The following KCTD8 variants were observed in gnomAD, a reference collection of about 807,000 sequenced individuals.
The protein encoded by KCTD8 is potassium channel tetramerization domain containing 8.
Under a neutral mutation model 31.5 loss-of-function variants are expected in KCTD8, and 27 were observed. The ratio of observed to expected loss-of-function variants is 0.86; its 90% CI spans 0.63 to 1.18. KCTD8 has a LOEUF of 1.18. Ranked by LOEUF, KCTD8 falls within the 50% of genes most tolerant of loss-of-function variation. KCTD8 has a pLI of 0.00. For synonymous variants in KCTD8, 290 were observed against 280.0 expected (o/e 1.04, Z -0.36); for missense variants, 658 against 647.7 (o/e 1.02, Z -0.17).
intron 1 of KCTD8, among the ~76,000 whole-genome samples, chr4:44,196,920 T>G (rs2109337444): frequency 6.6e-6 from 1 of 152,254 alleles, no homozygotes; most frequent in South Asian, 2.1e-4. Context: ...ACAGTTGGGA[T>G]GCTGGGGAGC....
chr4:44,300,108 A>G (rs899150140), intron 1 of KCTD8, among the ~76,000 whole-genome samples: 2 of 152,106 alleles, frequency 1.3e-5, no homozygotes, highest in African/African-American at 4.8e-5. Context: ...TGTAATGGAA[A>G]TTCAGAGTTG....
Position 44,174,763 on chromosome 4 carries a change from C to A in KCTD8, c.*27G>T. The A allele has an allele frequency of 2.0e-6, 3 of 1,534,120 alleles. No individual in the cohort carries two copies. The highest frequency in any genetic ancestry group is 2.5e-5 in the South Asian group (2 of 79,874). On this transcript the variant is annotated 3_prime_UTR_variant, in exon 2 of 2. Transcript: ENST00000360029. ...CACTGTAGTAAACATTGAATGTCATCAAAATACTGCAGGAATGTGACAATT... is the reference window on the plus strand; with the variant it reads ...CACTGTAGTAAACATTGAATGTCATAAAAATACTGCAGGAATGTGACAATT...
At chr4:44,222,188 A>T (rs1326091390) in intron 1 of KCTD8, among the ~76,000 whole-genome samples, 2 of 152,176 alleles carry the variant, frequency 1.3e-5, no homozygotes, top group African/African-American at 4.8e-5. Flanking sequence ...TTTATTATAG[A>T]GGTTAGTCAT....
chr4:44,426,260 A>G (rs1560451903), intron 1 of KCTD8, among the ~76,000 whole-genome samples: 1 of 151,840 alleles, frequency 6.6e-6, no homozygotes. Flanking sequence ...CCAGTGAAAC[A>G]GAGGAAGAAA....
At chr4:44,246,191 C>T (rs909666520) in intron 1 of KCTD8, among the ~76,000 whole-genome samples, 1 of 152,008 alleles carries the variant, frequency 6.6e-6, no homozygotes, top group African/African-American at 2.4e-5. Flanking sequence ...CTAACCCCAA[C>T]TTTTGCAAGA....
At chr4:44,323,503 C>T (rs879282907) in intron 1 of KCTD8, among the ~76,000 whole-genome samples, 1 of 127,962 alleles carries the variant, frequency 7.8e-6, no homozygotes, top group African/African-American at 2.9e-5. Context: ...CCCACCCACC[C>T]CCCCCCAAAA....
At chr4:44,189,639 C>T (rs903405264) in intron 1 of KCTD8, among the ~76,000 whole-genome samples, 2 of 151,922 alleles carry the variant, frequency 1.3e-5, no homozygotes, top group Non-Finnish European at 2.9e-5. Context: ...CTACCCATTC[C>T]AACATACATG....
intron 1 of KCTD8, among the ~76,000 whole-genome samples, chr4:44,397,440 G>A (rs1179957218): frequency 1.3e-5 from 2 of 152,136 alleles, no homozygotes; most frequent in Non-Finnish European, 2.9e-5. Context: ...GTGCATGCAT[G>A]TGTGTGTGGG....
intron 1 of KCTD8, among the ~76,000 whole-genome samples, chr4:44,378,259 C>A (rs983680374): frequency 1.2e-4 from 15 of 120,518 alleles, no homozygotes; most frequent in East Asian, 4.7e-4. Flanking sequence ...ATATATATAT[C>A]TCCATGTATG....
chr4:44,336,315 T>C (rs1298136484), intron 1 of KCTD8, among the ~76,000 whole-genome samples: 2 of 151,712 alleles, frequency 1.3e-5, no homozygotes, highest in Non-Finnish European at 2.9e-5. Context: ...CTCTAAAGAA[T>C]AAATATTTTA....
chr4:44,307,249 G>T (rs4695001), intron 1 of KCTD8, among the ~76,000 whole-genome samples: 18,257 of 151,984 alleles, frequency 0.12, 1,315 homozygotes, highest in East Asian at 0.24. Context: ...AAAAACTGAA[G>T]AGGCCTTCCA....
At chr4:44,317,486 G>A (rs62304847) in intron 1 of KCTD8, among the ~76,000 whole-genome samples, 65,768 of 141,894 alleles carry the variant, frequency 0.46, 15,826 homozygotes, top group Middle Eastern at 0.59. Context: ...TGATCCACCC[G>A]CCTCGGCCTC....
intron 1 of KCTD8, among the ~76,000 whole-genome samples, chr4:44,361,209 GA>G (rs11358993): frequency 0.21 from 31,183 of 151,754 alleles, 3,462 homozygotes; most frequent in East Asian, 0.45. Context: ...GTTTTCCTTG[GA>G]ATAATTAAGA....
At chr4:44,354,132 C>A (rs1425492958) in intron 1 of KCTD8, among the ~76,000 whole-genome samples, 4 of 152,086 alleles carry the variant, frequency 2.6e-5, no homozygotes, top group Non-Finnish European at 5.9e-5. Context: ...TTCTACCAAT[C>A]TTTTTTCAAA....
At chr4:44,384,950 A>T (rs1720170188) in intron 1 of KCTD8, among the ~76,000 whole-genome samples, 1 of 151,516 alleles carries the variant, frequency 6.6e-6, no homozygotes, top group Admixed American at 6.6e-5. Context: ...ATAGCAAGAA[A>T]ATTTTAAAAA....
chr4:44,184,238 T>C (rs185300291), intron 1 of KCTD8, among the ~76,000 whole-genome samples: 3 of 152,284 alleles, frequency 2.0e-5, no homozygotes, highest in African/African-American at 7.2e-5. Flanking sequence ...AATGGGGTCA[T>C]TTTTAATTAA....
intron 1 of KCTD8, among the ~76,000 whole-genome samples, chr4:44,253,829 T>C (rs549829207): frequency 3.0e-4 from 45 of 152,004 alleles, no homozygotes; most frequent in African/African-American, 1.0e-3. Context: ...GTTTTAGAAT[T>C]TTTGTTACAT....
intron 1 of KCTD8, among the ~76,000 whole-genome samples, chr4:44,389,234 T>A (rs1378733001): frequency 6.6e-6 from 1 of 151,740 alleles, no homozygotes; most frequent in African/African-American, 2.4e-5. Flanking sequence ...AGAGTGACTA[T>A]AGTCAATAAT....
chr4:44,214,154 C>G (rs1225462632), intron 1 of KCTD8, among the ~76,000 whole-genome samples: 1 of 152,184 alleles, frequency 6.6e-6, no homozygotes, highest in African/African-American at 2.4e-5. Flanking sequence ...AAGCTTCAAT[C>G]ATCTGGCCCT....
Sources: gnomAD v4.1 joint callset for allele counts (sites outside exome capture counted in the v4.1 genomes callset) on GRCh38, gnomAD v4.1.1 for gene constraint, MANE v1.5 for transcripts, NCBI Gene and HGNC (gene_info 2026-07-23, HGNC 2026-07-21) for gene names.